The following DSP variants were observed in gnomAD, a reference collection of about 807,000 sequenced individuals.
The protein encoded by DSP is 250/210 kDa paraneoplastic pemphigus antigen.
DSP carries 114 observed loss-of-function variants against 290.6 expected under a neutral mutation model. That is an observed-to-expected ratio of 0.39 (90% CI 0.34 to 0.46). The LOEUF (loss-of-function observed/expected upper bound fraction) is 0.46, where lower values mean the gene tolerates loss of function less well. Among genes scored for constraint, DSP ranks in the 20% least tolerant of loss-of-function variants. The probability of loss-of-function intolerance (pLI) is 0.99; values close to 1 mark genes in which losing one functional copy is unlikely to be tolerated. For missense variants in DSP, 3,230 were observed against 3,495.8 expected (o/e 0.92, Z 1.92); for synonymous variants, 1,311 against 1,316.4 (o/e 1.00, Z 0.09).
intron 4 of DSP, 36 bp from the exon 5 acceptor site, chr6:7,562,616 C>G (rs755724098): frequency 5.6e-6 from 9 of 1,613,328 alleles, no homozygotes; most frequent in Non-Finnish European, 7.6e-6. Context: ...AAAGGGGCAA[C>G]AACAAAGGGC....
In DSP at chr6:7,580,795, GAC is replaced by G; in HGVS notation, c.4608_4609del (p.Arg1537ProfsTer6). On this transcript the variant is annotated frameshift_variant, in exon 23 of 24. Coordinates refer to ENST00000379802, the MANE Select transcript of DSP (RefSeq NM_004415.4). LOFTEE classifies it high-confidence loss of function. The surrounding 1 kb of genome is among the most constrained non-coding windows in gnomAD (Gnocchi z 4.2). ...AACTGAAGGTTCAGGAGCAAGAACT[GAC>G]ACGCCTGAGGATCGACTATGAAAGG... ...NKLKVQEQEL[T>X]RLRIDYERVS... 1 of 1,614,160 alleles carries G rather than the reference GAC, an allele frequency of 6.2e-7. No individual in the cohort carries two copies. The highest frequency in any genetic ancestry group is 8.5e-7 in the Non-Finnish European group (1 of 1,180,038).
intron 14 of DSP, 28 bp from the exon 15 acceptor site, chr6:7,571,814 T>C: frequency 6.2e-7 from 1 of 1,607,224 alleles, no homozygotes; most frequent in Middle Eastern, 1.7e-4. Flanking sequence ...TATTCTCTGA[T>C]TTTTGTGGCC....
At position 7,580,337 on chromosome 6, in the gene DSP, C is replaced by G; in HGVS notation, c.4147C>G (p.Gln1383Glu). Residue 1383 changes from glutamine to glutamate, a missense_variant, in exon 23 of 24, where the codon CAG (glutamine) becomes GAG (glutamate). Gln to Glu is a conservative substitution (Grantham distance 29). This residue lies in a region of DSP where 1,714 missense variants were observed against 1,844.5 expected (regional missense o/e 0.93). Transcript: ENST00000379802. This position sits in a 1 kb window ranked among gnomAD's most constrained non-coding sequence, Gnocchi z 4.2. ...TKTTIHQLTM[Q>E]KEEDTSGYRA... ...GACCACCATCCACCAGCTCACCATG[C>G]AGAAGGAAGAGGATACCAGTGGCTA... 1 of 1,614,030 alleles carries G rather than the reference C, an allele frequency of 6.2e-7. No individual in the cohort carries two copies. The highest frequency in any genetic ancestry group is 8.5e-7 in the Non-Finnish European group (1 of 1,180,010).
At position 7,586,015 on chromosome 6, in the gene DSP, T is replaced by C. The variant is rs756543548; in HGVS notation, c.*137T>C. The C allele has an allele frequency of 2.0e-5, 18 of 921,816 alleles. No individual in the cohort carries two copies. Among genetic ancestry groups the C allele is most frequent in the Non-Finnish European group, 2.8e-5 (17 of 600,336 alleles). The allele number at this position is 921,816 out of a possible 1,614,324, so 57.1% of individuals were successfully genotyped here. ...ATGCTTACAGAAAATATAGCCATGA[T>C]TGAAATCAAATAGTAAAGGCTGTTC... On this transcript the variant is annotated 3_prime_UTR_variant, in exon 24 of 24. Transcript: ENST00000379802.
Position 7,585,621 on chromosome 6 carries a change from G to T in DSP, c.8359G>T (p.Asp2787Tyr). 6.2e-7 allele frequency: 1 copy of T among 1,614,220 alleles called. No individual in the cohort carries two copies. The highest frequency in any genetic ancestry group is 8.5e-7 in the Non-Finnish European group (1 of 1,180,052). ...PKTKLKISYK[D>Y]AINRSMVEDI... is the part of the protein sequence containing the mutation. ...AACCAAATTAAAAATATCCTATAAGGATGCCATAAATCGCTCCATGGTAGA... is the reference window on the plus strand; with the variant it reads ...AACCAAATTAAAAATATCCTATAAGTATGCCATAAATCGCTCCATGGTAGA... The change falls in exon 24 of 24, where the codon GAT (aspartate) becomes TAT (tyrosine). Residue 2787 changes from aspartate to tyrosine, a missense_variant. By Grantham distance (160) the Asp-to-Tyr change is radical. Coordinates refer to ENST00000379802, the MANE Select transcript of DSP (RefSeq NM_004415.4).
At position 7,541,841 on chromosome 6, in the gene DSP, C is replaced by G; in HGVS notation, c.-75C>G. ...CCCCGGCCGTCCGCCTATCCTTGGC[C>G]CCCTCCGCTTTCTCCGCGCCGGCCC... On this transcript the variant is annotated 5_prime_UTR_variant, in exon 1 of 24. Transcript: ENST00000379802. 1 of 1,515,016 alleles carries G rather than the reference C, an allele frequency of 6.6e-7. No homozygotes were observed. The highest frequency in any genetic ancestry group is 1.3e-5 in the South Asian group (1 of 79,450). 93.8% of individuals were successfully genotyped at this position (1,515,016 alleles called of 1,614,324 possible).
At chr6:7,568,917 T>A (rs748443760) in intron 11 of DSP, among the ~76,000 whole-genome samples, 5 of 152,256 alleles carry the variant, frequency 3.3e-5, no homozygotes, top group Non-Finnish European at 7.3e-5. Flanking sequence ...TTATGTTGCA[T>A]ATAAAGTGAA....
rs1357938031 is a variant in DSP at position 7,542,065 on chromosome 6, C to T, written c.150C>T (p.Asp50=). ...MYYSRRGVIT[D]QNSDGYCQTG... ...ATTCTCGGCGCGGCGTGATCACCGA[C>T]CAGAACTCGGACGGCTACTGGTGGG... Residue 50 remains aspartate (D), a synonymous_variant, in exon 1 of 24, where the codon GAC becomes GAT. Transcript: ENST00000379802. The T allele has an allele frequency of 1.3e-6, 2 of 1,567,068 alleles. No homozygotes were observed. The highest frequency in any genetic ancestry group is 3.7e-5 in the Admixed American group (2 of 53,424).
At chr6:7,563,975 G>T (rs1458752402) in intron 6 of DSP, among the ~76,000 whole-genome samples, 189 bp downstream of exon 6, 1 of 152,162 alleles carries the variant, frequency 6.6e-6, no homozygotes, top group East Asian at 1.9e-4. Flanking sequence ...TTTAAGTAGA[G>T]ACAGGGTTTC....
At chr6:7,573,170 G>A (rs1006800148) in intron 15 of DSP, among the ~76,000 whole-genome samples, 1 of 151,930 alleles carries the variant, frequency 6.6e-6, no homozygotes, top group Non-Finnish European at 1.5e-5. Context: ...ATGTGTGTGT[G>A]TATATATCTT....
chr6:7,580,025 G>T lies in DSP; in HGVS notation c.3835G>T (p.Ala1279Ser), dbSNP rs763915365. 1.9e-6 allele frequency: 3 copies of T among 1,614,128 alleles called. No homozygotes were observed. The highest frequency in any genetic ancestry group is 1.7e-5 in the Admixed American group (1 of 60,016). The change falls in exon 23 of 24, where the codon GCC (alanine) becomes TCC (serine). Residue 1279 changes from alanine to serine, a missense_variant. Ala to Ser is a moderately conservative substitution (Grantham distance 99). Around this residue, in one of 5 missense-constraint regions of DSP, gnomAD observed 1,714 missense variants for 1,844.5 expected, o/e 0.93. Coordinates refer to ENST00000379802, the MANE Select transcript of DSP (RefSeq NM_004415.4). This position sits in a 1 kb window ranked among gnomAD's most constrained non-coding sequence, Gnocchi z 4.2. ...RAEENALQQK[A>S]CGSEIMQKKQ... ...TGAAGAAAACGCCCTTCAGCAAAAG[G>T]CCTGTGGCTCTGAGATAATGCAGAA...
At position 7,568,549 on chromosome 6, in the gene DSP, C is replaced by T. The variant is rs757300149; in HGVS notation, c.1379C>T (p.Pro460Leu). The stretch of plus-strand genomic sequence containing the variant: ...AACCCAGACTACAGAAGCAATAAAC[C>T]CATTATTCTCAGAGCTCTCTGTGAC... ...PRNPDYRSNK[P>L]IILRALCDYK... The change falls in exon 11 of 24, where the codon CCC becomes CTC. Residue 460 changes from proline (P) to leucine (L), a missense_variant. Transcript: ENST00000379802. The T allele has an allele frequency of 1.9e-6, 3 of 1,613,960 alleles. No homozygotes were observed. Among genetic ancestry groups the T allele is most frequent in the South Asian group, 2.2e-5 (2 of 91,064 alleles).
Position 7,584,390 on chromosome 6 carries a change from G to T in DSP, c.7128G>T (p.Gly2376=), listed in dbSNP as rs756684406. The change falls in exon 24 of 24, where the codon GGG becomes GGT. Residue 2376 remains glycine (G), a synonymous_variant. Coordinates refer to ENST00000379802, the MANE Select transcript of DSP (RefSeq NM_004415.4). The surrounding 1 kb of genome is among the most constrained non-coding windows in gnomAD (Gnocchi z 6.4). ...TAGAAGCACAGATCGCAACCGGGGG[G>T]ATCATTGACCCAAAGGAGAGCCATC... The part of the protein sequence containing the change: ...RLLEAQIATG[G]IIDPKESHRL... 91 of 1,613,998 alleles carry T rather than the reference G, an allele frequency of 5.6e-5. No homozygotes were observed. The highest frequency in any genetic ancestry group is 7.2e-5 in the Non-Finnish European group (85 of 1,179,980).
In DSP at chr6:7,584,287, C is replaced by T. The variant is rs1759555923; in HGVS notation, c.7025C>T (p.Pro2342Leu). 1 of 1,614,018 alleles carries T rather than the reference C, an allele frequency of 6.2e-7. No homozygotes were observed. The highest frequency in any genetic ancestry group is 1.3e-5 in the African/African-American group (1 of 74,904). The stretch of plus-strand genomic sequence containing the variant: ...CGAGCTGTCACTGGGTATAATGATC[C>T]TGAAACAGGAAACATCATCTCTTTG... ...AERAVTGYNDPETGNIISLFQ... is the reference protein window; with the variant it reads ...AERAVTGYNDLETGNIISLFQ... Residue 2342 changes from proline to leucine, a missense_variant, in exon 24 of 24, where the codon CCT (proline) becomes CTT (leucine). Transcript: ENST00000379802. The surrounding 1 kb of genome is among the most constrained non-coding windows in gnomAD (Gnocchi z 6.4).
At chr6:7,562,943 TA>T (rs1271280757) in intron 5 of DSP, among the ~76,000 whole-genome samples, 163 bp downstream of exon 5, 1 of 152,222 alleles carries the variant, frequency 6.6e-6, no homozygotes, top group African/African-American at 2.4e-5. Flanking sequence ...GTGGAATCAG[TA>T]GCCCTATTAG....
chr6:7,547,681 C>T (rs1179679817), intron 1 of DSP, among the ~76,000 whole-genome samples: 1 of 152,032 alleles, frequency 6.6e-6, no homozygotes, highest in South Asian at 2.1e-4. Context: ...AAGTGATCCT[C>T]CCACCTTGGC....
intron 1 of DSP, among the ~76,000 whole-genome samples, chr6:7,555,236 A>G (rs978113039): frequency 6.6e-6 from 1 of 152,250 alleles, no homozygotes; most frequent in African/African-American, 2.4e-5. Flanking sequence ...TGTGAATGAC[A>G]TTATTGGGCT....
chr6:7,562,653 C>T lies in DSP; in HGVS notation c.599C>T (p.Ala200Val), dbSNP rs1337095425. 16 of 1,613,948 alleles carry T rather than the reference C, an allele frequency of 9.9e-6. No homozygotes were observed. The highest frequency in any genetic ancestry group is 1.7e-5 in the Admixed American group (1 of 59,994). Residue 200 changes from alanine to valine, a missense_variant and splice_region_variant, in exon 5 of 24, where the codon GCG becomes GTG. Physicochemically the swap from Ala to Val is moderately conservative, Grantham distance 64. This residue lies in a region of DSP where 646 missense variants were observed against 684.3 expected (regional missense o/e 0.94). Transcript: ENST00000379802. Reference protein sequence around the residue: ...ECLGWMRQQRAEMDMVAWGVD... With the variant: ...ECLGWMRQQRVEMDMVAWGVD... ...CCTCTCTTTGTCTTTGTGTCGCAGG[C>T]GGAGATGGACATGGTGGCCTGGGGT...
At chr6:7,569,557 G>A (rs538325612) in intron 12 of DSP, among the ~76,000 whole-genome samples, 5 of 152,274 alleles carry the variant, frequency 3.3e-5, no homozygotes, top group Admixed American at 6.5e-5. Flanking sequence ...ATATCTGGCC[G>A]GGTGTGGTGG....
Sources: gnomAD v4.1 joint callset for allele counts (sites outside exome capture counted in the v4.1 genomes callset) on GRCh38, gnomAD v4.1.1 for gene constraint, gnomAD v4.1.1 regional missense constraint, Gnocchi (gnomAD v3.1) non-coding constraint, MANE v1.5 for transcripts, NCBI Gene and HGNC (gene_info 2026-07-23, HGNC 2026-07-21) for gene names.